ACAD10: variants seen among roughly 807,000 people sequenced by gnomAD.
ACAD10 encodes acyl-CoA dehydrogenase family member 10, also known as ACAD-10.
Under a neutral mutation model 116.8 loss-of-function variants are expected in ACAD10, and 112 were observed. The observed-to-expected ratio is 0.96, with a 90% CI of 0.82 to 1.12. The LOEUF (loss-of-function observed/expected upper bound fraction) is 1.12. Among genes scored for constraint, ACAD10 ranks in the 50% most tolerant of loss-of-function variants. ACAD10 has a pLI of 0.00. For synonymous variants in ACAD10, 486 were observed against 510.6 expected (o/e 0.95, Z 0.65); for missense variants, 1,259 against 1,350.2 (o/e 0.93, Z 1.06).
At chr12:111,739,228 T>C (rs1484297361) in intron 12 of ACAD10, among the ~76,000 whole-genome samples, 1 of 152,070 alleles carries the variant, frequency 6.6e-6, no homozygotes, top group Non-Finnish European at 1.5e-5. Flanking sequence ...ATTATATACC[T>C]CCTGATGCTT....
Position 111,749,166 on chromosome 12 carries a change from C to T in ACAD10, c.2645-7C>T. ...TATTGCTCACAGTGATCGTTTGGGT[C>T]TTTCAGGTGGCCATGGTGAAGTCCG... is the stretch of plus-strand genomic sequence containing the variant. On this transcript the variant is annotated splice_region_variant and splice_polypyrimidine_tract_variant and intron_variant, in intron 17 of 20. Transcript: ENST00000313698. 1 of 1,612,618 alleles carries T rather than the reference C, an allele frequency of 6.2e-7. No individual in the cohort carries two copies. Among genetic ancestry groups the T allele is most frequent in the Admixed American group, 1.7e-5 (1 of 59,984 alleles).
chr12:111,738,129 T>G (rs1285600048), intron 12 of ACAD10, among the ~76,000 whole-genome samples: 1 of 152,062 alleles, frequency 6.6e-6, no homozygotes, highest in Non-Finnish European at 1.5e-5. Context: ...AGTGCTGGGA[T>G]TACAGGCATG....
chr12:111,745,242 A>G, intron 13 of ACAD10, 199 bp downstream of exon 13: 1 of 646,404 alleles, frequency 1.5e-6, no homozygotes, highest in Non-Finnish European at 2.6e-6. Flanking sequence ...CCTGTGTCAC[A>G]GGCAGATGGC....
chr12:111,701,447 C>A (rs896011002), intron 2 of ACAD10, among the ~76,000 whole-genome samples: 7 of 152,068 alleles, frequency 4.6e-5, no homozygotes, highest in Admixed American at 2.6e-4. Context: ...GGCAGATCAC[C>A]TGAGGTCAGG....
At chr12:111,745,301 G>A (rs544200876) in intron 13 of ACAD10, 7 of 515,524 alleles carry the variant, frequency 1.4e-5, no homozygotes, top group African/African-American at 1.3e-4. Flanking sequence ...GCCTTAGAAA[G>A]CCAGGGCAGG....
intron 9 of ACAD10, among the ~76,000 whole-genome samples, chr12:111,728,968 T>G (rs913987235): frequency 6.6e-6 from 1 of 151,922 alleles, no homozygotes; most frequent in African/African-American, 2.4e-5. Flanking sequence ...GGCATGAGCC[T>G]CTGCAGCCAG....
chr12:111,743,258 C>T (rs1228097513), intron 12 of ACAD10, among the ~76,000 whole-genome samples: 2 of 152,012 alleles, frequency 1.3e-5, no homozygotes, highest in East Asian at 3.9e-4. Context: ...TATGGGACAT[C>T]CTGGAAGAGA....
At chr12:111,705,981 C>T (rs1888491981) in intron 4 of ACAD10, 49 bp downstream of exon 4, 1 of 1,579,468 alleles carries the variant, frequency 6.3e-7, no homozygotes. Context: ...TGTGCCCTCG[C>T]TTCAGGGTGC....
At chr12:111,703,203 C>T (rs1888400645) in intron 3 of ACAD10, among the ~76,000 whole-genome samples, 1 of 151,826 alleles carries the variant, frequency 6.6e-6, no homozygotes, top group East Asian at 1.9e-4. Flanking sequence ...TGACAAGATA[C>T]CTGGGGGCAA....
chr12:111,743,287 A>G (rs927783821), intron 12 of ACAD10, among the ~76,000 whole-genome samples: 24 of 151,954 alleles, frequency 1.6e-4, no homozygotes, highest in African/African-American at 5.8e-4. Flanking sequence ...AGAAACAGAG[A>G]TCAGTGGGTG....
chr12:111,699,685 C>T (rs544262978), intron 2 of ACAD10, among the ~76,000 whole-genome samples: 71 of 151,990 alleles, frequency 4.7e-4, no homozygotes, highest in African/African-American at 1.6e-3. Flanking sequence ...TTTGGGAGGC[C>T]GAGGTGGGAG....
intron 4 of ACAD10, among the ~76,000 whole-genome samples, chr12:111,706,594 T>C (rs544055135): frequency 6.6e-6 from 1 of 150,412 alleles, no homozygotes; most frequent in African/African-American, 2.4e-5. Context: ...GAATTACAGA[T>C]GTGTGCCACC....
chr12:111,752,472 G>A (rs926460043), intron 18 of ACAD10, among the ~76,000 whole-genome samples: 1 of 151,926 alleles, frequency 6.6e-6, no homozygotes, highest in East Asian at 1.9e-4. Flanking sequence ...GCCAGGTGTG[G>A]TGGCAGGCAC....
At chr12:111,694,398 C>T (rs1031519151) in intron 2 of ACAD10, among the ~76,000 whole-genome samples, 1 of 152,108 alleles carries the variant, frequency 6.6e-6, no homozygotes, top group African/African-American at 2.4e-5. Flanking sequence ...TGTTCTTCTA[C>T]AAAGAACATA....
intron 2 of ACAD10, 111 bp from the exon 3 acceptor site, chr12:111,702,051 C>T (rs1177743646): frequency 5.1e-6 from 6 of 1,176,548 alleles, no homozygotes. Context: ...CAACAGCATC[C>T]ACCCTGGCAG....
chr12:111,747,573 G>C, intron 16 of ACAD10, 188 bp downstream of exon 16: 1 of 1,421,790 alleles, frequency 7.0e-7, no homozygotes, highest in Non-Finnish European at 9.2e-7. Flanking sequence ...TGTTCTCAGA[G>C]GTGGCACTTC....
intron 5 of ACAD10, among the ~76,000 whole-genome samples, 195 bp from the exon 6 acceptor site, chr12:111,712,303 C>G (rs1336370782): frequency 6.6e-6 from 1 of 152,086 alleles, no homozygotes; most frequent in Non-Finnish European, 1.5e-5. Context: ...TCAGACACCT[C>G]CTAGGAAACA....
intron 8 of ACAD10, among the ~76,000 whole-genome samples, chr12:111,726,785 C>G (rs983315458): frequency 5.3e-5 from 8 of 151,920 alleles, no homozygotes. Flanking sequence ...CACTTGAACC[C>G]GGGAGGCGGA....
intron 1 of ACAD10, among the ~76,000 whole-genome samples, 178 bp from the exon 2 acceptor site, chr12:111,692,519 G>T (rs1888080498): frequency 6.6e-6 from 1 of 152,222 alleles, no homozygotes; most frequent in Non-Finnish European, 1.5e-5. Context: ...GTGGGCGATG[G>T]AGCCCTTGAC....
Sources: allele counts gnomAD v4.1 joint callset (sites outside exome capture counted in the v4.1 genomes callset), GRCh38; gene constraint gnomAD v4.1.1; transcripts MANE v1.5; gene names NCBI Gene and HGNC (gene_info 2026-07-23, HGNC 2026-07-21).